Variants in HPCAL1 observed in about 807,000 individuals in gnomAD.
HPCAL1 encodes the protein hippocalcin-like protein 1.
Under a neutral mutation model 17.1 loss-of-function variants are expected in HPCAL1, and 8 were observed. The ratio of observed to expected loss-of-function variants is 0.47; its 90% CI spans 0.27 to 0.84. The LOEUF is 0.84. Ranked by LOEUF, HPCAL1 falls within the 40% of genes least tolerant of loss-of-function variation. HPCAL1 has a pLI of 0.13. For missense variants in HPCAL1, 165 were observed against 271.1 expected, an observed-to-expected ratio of 0.61 and a Z score of 2.75; for synonymous variants, 112 against 111.4, an observed-to-expected ratio of 1.01 and a Z score of -0.03.
intron 3 of HPCAL1, 30 bp from the exon 4 acceptor site, chr2:10,422,953 T>A: frequency 6.5e-7 from 1 of 1,543,812 alleles, no homozygotes; most frequent in Non-Finnish European, 8.9e-7. Context: ...CCCGGGCCTC[T>A]GAGCACAGTG....
At chr2:10,316,046 G>A (rs1333134404) in intron 1 of HPCAL1, among the ~76,000 whole-genome samples, 1 of 152,122 alleles carries the variant, frequency 6.6e-6, no homozygotes, top group African/African-American at 2.4e-5. Flanking sequence ...GAAATTTACC[G>A]TTTCAGTGTG....
At chr2:10,312,713 T>A (rs1292660864) in intron 1 of HPCAL1, among the ~76,000 whole-genome samples, 1 of 151,728 alleles carries the variant, frequency 6.6e-6, no homozygotes, top group Admixed American at 6.6e-5. Context: ...CCCATCATCA[T>A]CACCATCACC....
At chr2:10,373,573 T>G (rs1667360201) in intron 1 of HPCAL1, among the ~76,000 whole-genome samples, 2 of 150,998 alleles carry the variant, frequency 1.3e-5, no homozygotes, top group Admixed American at 6.6e-5. Flanking sequence ...TGGGCTGAGG[T>G]TTTTTTTTGT....
chr2:10,366,139 C>G (rs1020839180), intron 1 of HPCAL1, among the ~76,000 whole-genome samples: 2 of 152,198 alleles, frequency 1.3e-5, no homozygotes, highest in African/African-American at 4.8e-5. Context: ...GAGAGCTGGC[C>G]TCTCAGCACA....
chr2:10,377,973 C>A lies in HPCAL1; in HGVS notation c.-110-18862C>A, dbSNP rs981810145. On this transcript the variant is annotated intron_variant, in intron 1 of 4. Transcript: ENST00000307845. This position sits in a 1 kb window ranked among gnomAD's most constrained non-coding sequence, Gnocchi z 5.9. ...CGGGTGAGGCGGGGAGGCGTTTCGA[C>A]TTTGGACTGAAGGCCTTAATTGACC... is the stretch of plus-strand genomic sequence containing the variant. 1.3e-5 allele frequency among the ~76,000 whole-genome samples: 2 copies of A among 152,172 alleles called. No homozygotes were observed. Among genetic ancestry groups the A allele is most frequent in the African/African-American group, 4.8e-5 (2 of 41,438 alleles).
At chr2:10,317,009 T>C (rs1022692201) in intron 1 of HPCAL1, among the ~76,000 whole-genome samples, 41 of 152,268 alleles carry the variant, frequency 2.7e-4, no homozygotes, top group African/African-American at 8.7e-4. Flanking sequence ...TATTACAAGA[T>C]TTAACACCGA....
At chr2:10,329,268 T>A (rs1003683634) in intron 1 of HPCAL1, among the ~76,000 whole-genome samples, 7 of 152,236 alleles carry the variant, frequency 4.6e-5, no homozygotes, top group Non-Finnish European at 8.8e-5. Context: ...CCTGCGGATA[T>A]GTTGCCTTAT....
At chr2:10,315,292 C>CAA (rs5829256) in intron 1 of HPCAL1, among the ~76,000 whole-genome samples, 113 of 134,298 alleles carry the variant, frequency 8.4e-4, no homozygotes, top group South Asian at 6.9e-3. Context: ...GACTCCGTCT[C>CAA]AAAAAAAAAA....
intron 2 of HPCAL1, among the ~76,000 whole-genome samples, chr2:10,416,591 T>C (rs1278652957): frequency 6.6e-6 from 1 of 152,138 alleles, no homozygotes; most frequent in Non-Finnish European, 1.5e-5. Context: ...CTGGGCAACA[T>C]AGCAAGATCC....
At chr2:10,412,326 C>G (rs1318668566) in intron 2 of HPCAL1, among the ~76,000 whole-genome samples, 1 of 152,236 alleles carries the variant, frequency 6.6e-6, no homozygotes, top group Non-Finnish European at 1.5e-5. Context: ...TCCTTAGGTA[C>G]ATGACTGGTT....
intron 1 of HPCAL1, among the ~76,000 whole-genome samples, chr2:10,333,933 A>G (rs1428413920): frequency 2.0e-5 from 3 of 152,214 alleles, no homozygotes; most frequent in African/African-American, 7.2e-5. Context: ...AGATATGTGT[A>G]ACAGAAATGT....
chr2:10,395,281 AT>A lies in HPCAL1; in HGVS notation c.-110-1551del, dbSNP rs1296115984. On this transcript the variant is annotated intron_variant, in intron 1 of 4. Transcript: ENST00000307845. This position sits in a 1 kb window ranked among gnomAD's most constrained non-coding sequence, Gnocchi z 4.4. Reference sequence around the variant, plus strand: ...CCATAATTGGCCTACAAAATTCTATATTTGGGAAACAGTAGAAATTTAACTC... The same window carrying A: ...CCATAATTGGCCTACAAAATTCTATATTGGGAAACAGTAGAAATTTAACTC... 1.3e-5 allele frequency among the ~76,000 whole-genome samples: 2 copies of A among 152,156 alleles called. No individual in the cohort carries two copies. Among genetic ancestry groups the A allele is most frequent in the African/African-American group, 4.8e-5 (2 of 41,432 alleles).
chr2:10,386,965 A>G (rs1447510716), intron 1 of HPCAL1, among the ~76,000 whole-genome samples: 1 of 152,198 alleles, frequency 6.6e-6, no homozygotes. Flanking sequence ...GTGCCCAGGG[A>G]GTGGCCAGTG....
intron 1 of HPCAL1, among the ~76,000 whole-genome samples, chr2:10,355,925 C>G (rs780302026): frequency 2.6e-5 from 4 of 152,130 alleles, no homozygotes; most frequent in Non-Finnish European, 4.4e-5. Context: ...AGGACATGTT[C>G]TAGTGACAGC....
intron 2 of HPCAL1, chr2:10,408,651 C>G (rs1670126086): frequency 6.6e-6 from 1 of 152,256 alleles, no homozygotes; most frequent in African/African-American, 2.4e-5. Context: ...GGGGTCAGAC[C>G]TGGGGTCCTC....
chr2:10,333,782 C>T (rs1664537423), intron 1 of HPCAL1, among the ~76,000 whole-genome samples: 1 of 152,068 alleles, frequency 6.6e-6, no homozygotes, highest in African/African-American at 2.4e-5. Context: ...TGAGCTATAC[C>T]CCTCCAGACT....
At chr2:10,373,659 C>T (rs990778647) in intron 1 of HPCAL1, among the ~76,000 whole-genome samples, 1 of 152,048 alleles carries the variant, frequency 6.6e-6, no homozygotes, top group Non-Finnish European at 1.5e-5. Flanking sequence ...TGGGGTTCCT[C>T]AGCCTCCACC....
intron 1 of HPCAL1, among the ~76,000 whole-genome samples, chr2:10,355,187 C>T (rs1250952669): frequency 6.6e-6 from 1 of 152,074 alleles, no homozygotes; most frequent in African/African-American, 2.4e-5. Flanking sequence ...CGCGGTGGCT[C>T]ACGCCTGTAA....
At chr2:10,400,796 C>T (rs1356416535) in intron 2 of HPCAL1, among the ~76,000 whole-genome samples, 2 of 152,188 alleles carry the variant, frequency 1.3e-5, no homozygotes, top group African/African-American at 4.8e-5. Flanking sequence ...CACATACACA[C>T]ATTGTGGGCA....
Sources: allele counts gnomAD v4.1 joint callset (sites outside exome capture counted in the v4.1 genomes callset), GRCh38; gene constraint gnomAD v4.1.1; non-coding constraint Gnocchi (gnomAD v3.1); transcripts MANE v1.5; gene names NCBI Gene and HGNC (gene_info 2026-07-23, HGNC 2026-07-21).